LPGAT1: variants seen among roughly 807,000 people sequenced by gnomAD.
LPGAT1 encodes the protein acyl-CoA:lysophosphatidylglycerol acyltransferase 1.
A neutral mutation model predicts 47.5 loss-of-function variants in LPGAT1; 11 were observed. That is an observed-to-expected ratio of 0.23 (90% CI 0.15 to 0.38). The LOEUF is 0.38. Ranked by LOEUF, LPGAT1 falls within the 10% of genes least tolerant of loss-of-function variation. LPGAT1 has a pLI of 1.00. For missense variants in LPGAT1, 293 were observed against 439.0 expected, an observed-to-expected ratio of 0.67 and a Z score of 2.97; for synonymous variants, 138 against 144.2, an observed-to-expected ratio of 0.96 and a Z score of 0.31.
chr1:211,807,118 T>C (rs879819347), intron 2 of LPGAT1, among the ~76,000 whole-genome samples: 3 of 152,168 alleles, frequency 2.0e-5, no homozygotes, highest in Non-Finnish European at 2.9e-5. Flanking sequence ...TATTTATTTA[T>C]ATGAGAAATG....
intron 3 of LPGAT1, among the ~76,000 whole-genome samples, chr1:211,789,084 A>G (rs1659005397): frequency 6.6e-6 from 1 of 152,226 alleles, no homozygotes; most frequent in Non-Finnish European, 1.5e-5. Context: ...GAAAGAACTG[A>G]TTCCTCAATC....
intron 6 of LPGAT1, among the ~76,000 whole-genome samples, chr1:211,766,679 G>C (rs914764979): frequency 1.3e-5 from 2 of 152,242 alleles, no homozygotes; most frequent in African/African-American, 4.8e-5. Context: ...TCATGATCAT[G>C]TGGCTGACTG....
intron 6 of LPGAT1, among the ~76,000 whole-genome samples, chr1:211,773,019 A>C (rs905083905): frequency 2.6e-5 from 4 of 152,206 alleles, no homozygotes; most frequent in African/African-American, 9.6e-5. Context: ...TTTGACAATA[A>C]TTCTCACTGT....
chr1:211,818,312 T>G (rs1660251733), intron 2 of LPGAT1, among the ~76,000 whole-genome samples: 2 of 152,060 alleles, frequency 1.3e-5, no homozygotes, highest in Admixed American at 1.3e-4. Flanking sequence ...AGGCCCAAAA[T>G]AAGACAAGAA....
chr1:211,797,674 G>T (rs1332430176), intron 2 of LPGAT1, among the ~76,000 whole-genome samples: 1 of 151,990 alleles, frequency 6.6e-6, no homozygotes, highest in Non-Finnish European at 1.5e-5. Context: ...GCTATTCCAG[G>T]ACCAGTAAAT....
chr1:211,810,780 C>A (rs78910290), intron 2 of LPGAT1, among the ~76,000 whole-genome samples: 3 of 152,020 alleles, frequency 2.0e-5, no homozygotes, highest in Non-Finnish European at 2.9e-5. Context: ...CAAAAGACAG[C>A]GAGAACATGC....
At chr1:211,762,344 C>T (rs896514833) in intron 6 of LPGAT1, among the ~76,000 whole-genome samples, 1 of 152,270 alleles carries the variant, frequency 6.6e-6, no homozygotes, top group African/African-American at 2.4e-5. Flanking sequence ...GGGTTGAACA[C>T]GGGGACGGGG....
At chr1:211,807,835 A>G (rs1659817204) in intron 2 of LPGAT1, among the ~76,000 whole-genome samples, 1 of 152,142 alleles carries the variant, frequency 6.6e-6, no homozygotes, top group African/African-American at 2.4e-5. Context: ...TGGGCAAAGT[A>G]CTCTTAGACA....
At chr1:211,802,671 ACAAAATCCAGCCTT>A (rs1659619642) in intron 2 of LPGAT1, among the ~76,000 whole-genome samples, 1 of 152,208 alleles carries the variant, frequency 6.6e-6, no homozygotes, top group Non-Finnish European at 1.5e-5. Flanking sequence ...AGACAATTCC[ACAAAATCCAGCCTT>A]CAAATAACAA....
At chr1:211,790,809 G>C (rs1036760780) in intron 3 of LPGAT1, among the ~76,000 whole-genome samples, 4 of 152,138 alleles carry the variant, frequency 2.6e-5, no homozygotes, top group Non-Finnish European at 5.9e-5. Context: ...TATCATCTAT[G>C]CCAAACTGGT....
At chr1:211,763,679 CCT>C (rs934944266) in intron 6 of LPGAT1, among the ~76,000 whole-genome samples, 1 of 152,212 alleles carries the variant, frequency 6.6e-6, no homozygotes, top group Admixed American at 6.5e-5. Flanking sequence ...CCCTCAGACA[CCT>C]GTTTCTCAGA....
intron 4 of LPGAT1, among the ~76,000 whole-genome samples, chr1:211,787,077 T>G (rs1658910951): frequency 6.6e-6 from 1 of 152,218 alleles, no homozygotes. Context: ...ACTAAAAATG[T>G]ACCTTCTAAA....
At chr1:211,789,085 T>C (rs1466714238) in intron 3 of LPGAT1, among the ~76,000 whole-genome samples, 1 of 152,218 alleles carries the variant, frequency 6.6e-6, no homozygotes, top group Non-Finnish European at 1.5e-5. Context: ...AAAGAACTGA[T>C]TCCTCAATCA....
At chr1:211,829,002 T>A (rs1660629655) in intron 2 of LPGAT1, 57 bp downstream of exon 2, 1 of 1,574,948 alleles carries the variant, frequency 6.3e-7, no homozygotes, top group Non-Finnish European at 8.7e-7. Flanking sequence ...ATACATTTAA[T>A]CATGGTTCCT....
At chr1:211,813,878 A>G (rs1358181521) in intron 2 of LPGAT1, among the ~76,000 whole-genome samples, 2 of 152,218 alleles carry the variant, frequency 1.3e-5, no homozygotes, top group Non-Finnish European at 2.9e-5. Context: ...TAAGCAATTT[A>G]CAAGTCTGTT....
intron 2 of LPGAT1, among the ~76,000 whole-genome samples, chr1:211,801,992 G>A (rs1659592740): frequency 6.6e-6 from 1 of 151,308 alleles, no homozygotes; most frequent in Non-Finnish European, 1.5e-5. Context: ...GGAAGCTAAG[G>A]CAGAAGGATT....
chr1:211,798,539 C>T (rs1390261641), intron 2 of LPGAT1, among the ~76,000 whole-genome samples: 1 of 152,002 alleles, frequency 6.6e-6, no homozygotes, highest in East Asian at 1.9e-4. Flanking sequence ...TTAAAATTAG[C>T]TGGGTGTGGT....
chr1:211,764,801 A>G (rs982469400), intron 6 of LPGAT1, among the ~76,000 whole-genome samples: 1 of 152,200 alleles, frequency 6.6e-6, no homozygotes, highest in Non-Finnish European at 1.5e-5. Context: ...AAACCTAGGG[A>G]CATACCAGCA....
rs1224570228 is a variant in LPGAT1 at position 211,798,183 on chromosome 1, A to C, written c.239-4993T>G. 2.0e-5 allele frequency among the ~76,000 whole-genome samples: 3 copies of C among 152,216 alleles called. No individual in the cohort carries two copies. The East Asian group carries it at 5.8e-4, about 29-fold the overall frequency. On this transcript the variant is annotated intron_variant, in intron 2 of 7. Coordinates refer to ENST00000366997, the MANE Select transcript of LPGAT1 (RefSeq NM_014873.3). ...TTATGCCCGCAAGCTGATGCAACAA[A>C]CTATTTTATCCTTCTGTGTCTTCAT...
Sources: allele counts gnomAD v4.1 joint callset (sites outside exome capture counted in the v4.1 genomes callset), GRCh38; gene constraint gnomAD v4.1.1; transcripts MANE v1.5; gene names NCBI Gene and HGNC (gene_info 2026-07-23, HGNC 2026-07-21).